The following MPRIP variants were observed in gnomAD, a reference collection of about 807,000 sequenced individuals.
MPRIP encodes the protein myosin phosphatase Rho-interacting protein.
MPRIP carries 59 observed loss-of-function variants against 234.9 expected under a neutral mutation model. That is an observed-to-expected ratio of 0.25 (90% confidence interval 0.20 to 0.31). The LOEUF (loss-of-function observed/expected upper bound fraction) is 0.31. Ranked by LOEUF, MPRIP falls within the 10% of genes least tolerant of loss-of-function variation. The pLI is 1.00. For synonymous variants in MPRIP, 1,144 were observed against 1,263.9 expected, an observed-to-expected ratio of 0.91 and a Z score of 2.01; for missense variants, 2,436 against 3,071.0, an observed-to-expected ratio of 0.79 and a Z score of 4.89.
At chr17:17,106,539 CAT>C (rs2090066291) in intron 3 of MPRIP, among the ~76,000 whole-genome samples, 1 of 152,034 alleles carries the variant, frequency 6.6e-6, no homozygotes, top group Non-Finnish European at 1.5e-5. Flanking sequence ...ACAGAATCCA[CAT>C]AGTGTTTCCT....
intron 12 of MPRIP, among the ~76,000 whole-genome samples, chr17:17,152,771 C>A (rs768635383): frequency 1.9e-4 from 29 of 152,140 alleles, no homozygotes; most frequent in Non-Finnish European, 3.5e-4. Flanking sequence ...ACATGCAGGT[C>A]CATTAGAAAG....
intron 12 of MPRIP, among the ~76,000 whole-genome samples, chr17:17,152,892 C>A (rs2045633012): frequency 6.6e-6 from 1 of 152,224 alleles, no homozygotes; most frequent in Admixed American, 6.5e-5. Context: ...ACTGAGAAGC[C>A]AGCAGAAGAG....
chr17:17,147,612 A>G (rs1290993583), intron 11 of MPRIP, among the ~76,000 whole-genome samples: 1 of 152,116 alleles, frequency 6.6e-6, no homozygotes, highest in Non-Finnish European at 1.5e-5. Context: ...CCTTGTGATC[A>G]TTTTCCTGGC....
intron 3 of MPRIP, among the ~76,000 whole-genome samples, chr17:17,116,520 G>A (rs1209656880): frequency 1.3e-5 from 2 of 152,254 alleles, no homozygotes; most frequent in Non-Finnish European, 2.9e-5. Flanking sequence ...GGCTGTTCCT[G>A]TTGAATCATT....
chr17:17,098,640 C>T (rs1439334231), intron 3 of MPRIP, among the ~76,000 whole-genome samples: 1 of 152,156 alleles, frequency 6.6e-6, no homozygotes, highest in Non-Finnish European at 1.5e-5. Flanking sequence ...CCCTTTCTCC[C>T]CTCTGCATAT....
At position 17,153,805 on chromosome 17, in the gene MPRIP, C is replaced by G. The variant is rs1263222104; in HGVS notation, c.1720-501C>G. On this transcript the variant is annotated intron_variant, in intron 12 of 23. Transcript: ENST00000651222. Reference sequence around the variant, plus strand: ...CTTTTCTCAGTGCCACCAACAAGACCCTGATACCCCTTGTTCTTAACCACT... The same window carrying G: ...CTTTTCTCAGTGCCACCAACAAGACGCTGATACCCCTTGTTCTTAACCACT... Among the ~76,000 whole-genome samples, 3 of 152,106 alleles carry G rather than the reference C, an allele frequency of 2.0e-5. No homozygotes were observed. In the South Asian group the frequency reaches 6.2e-4, roughly 31 times the overall value.
At chr17:17,072,054 G>A (rs183406926) in intron 1 of MPRIP, among the ~76,000 whole-genome samples, 164 of 152,334 alleles carry the variant, frequency 1.1e-3, no homozygotes, top group Non-Finnish European at 1.9e-3. Flanking sequence ...TTATAGGACC[G>A]TCTGGAAGAG....
At chr17:17,100,481 C>T (rs568774440) in intron 3 of MPRIP, among the ~76,000 whole-genome samples, 1 of 152,204 alleles carries the variant, frequency 6.6e-6, no homozygotes, top group South Asian at 2.1e-4. Context: ...CTCAGGGGTC[C>T]CCAGTGCCCA....
intron 3 of MPRIP, among the ~76,000 whole-genome samples, chr17:17,093,799 T>G (rs1346353233): frequency 6.6e-6 from 1 of 152,244 alleles, no homozygotes; most frequent in Non-Finnish European, 1.5e-5. Flanking sequence ...ACCTCTGTGT[T>G]TGTAAATAAC....
chr17:17,163,316 T>A (rs1252008917), intron 15 of MPRIP, among the ~76,000 whole-genome samples: 1 of 152,174 alleles, frequency 6.6e-6, no homozygotes, highest in Non-Finnish European at 1.5e-5. Context: ...CTCGGCTCAC[T>A]CTTGTTTGTG....
chr17:17,164,091 T>C lies in MPRIP; in HGVS notation c.2518-18T>C. 7.7e-7 allele frequency: 1 copy of C among 1,302,668 alleles called. No individual in the cohort carries two copies. Among genetic ancestry groups the C allele is most frequent in the Non-Finnish European group, 1.0e-6 (1 of 987,912 alleles). 80.7% of individuals were successfully genotyped at this position (1,302,668 alleles called of 1,614,324 possible). On this transcript the variant is annotated intron_variant, in intron 15 of 23. Transcript: ENST00000651222. ...AGGCCCGAGTGTTACTAACCAGTAT[T>C]TAATCGGTTTTTTTAAGACTGAAGT...
intron 23 of MPRIP, among the ~76,000 whole-genome samples, chr17:17,181,334 C>T (rs4985740): frequency 0.82 from 124,999 of 152,078 alleles, 51,565 homozygotes; most frequent in East Asian, 0.99. Context: ...TCTCGTTCAT[C>T]CCGGAATGAG....
intron 5 of MPRIP, among the ~76,000 whole-genome samples, chr17:17,135,650 C>A (rs938863779): frequency 9.9e-5 from 15 of 152,160 alleles, no homozygotes; most frequent in African/African-American, 3.6e-4. Context: ...TCTGAGGCCT[C>A]TTCTATGAAG....
intron 4 of MPRIP, among the ~76,000 whole-genome samples, chr17:17,128,608 G>A (rs927675336): frequency 5.3e-5 from 8 of 151,672 alleles, no homozygotes; most frequent in Non-Finnish European, 1.0e-4. Flanking sequence ...GCTCAGTGGC[G>A]TATCCAAAGC....
Position 17,133,982 on chromosome 17 carries a change from C to T in MPRIP, c.505-2237C>T, listed in dbSNP as rs181993065. 1.3e-3 allele frequency among the ~76,000 whole-genome samples: 198 copies of T among 152,292 alleles called. 1 individual carries two copies. The highest frequency in any genetic ancestry group is 4.5e-3 in the African/African-American group (186 of 41,566). On this transcript the variant is annotated intron_variant, in intron 5 of 23. Coordinates refer to ENST00000651222, the MANE Select transcript of MPRIP (RefSeq NM_001364716.4). ...GTGCAGGCCCCGGGTCTCCACTCCT[C>T]TGGTGGAGCTGAAGGAGGCCCGCTC...
chr17:17,093,655 A>G (rs1321307079), intron 3 of MPRIP, among the ~76,000 whole-genome samples: 2 of 152,242 alleles, frequency 1.3e-5, no homozygotes, highest in Non-Finnish European at 2.9e-5. Flanking sequence ...GTGTATGTAC[A>G]GTAGTTCAAA....
chr17:17,066,736 T>C (rs1439920054), intron 1 of MPRIP, among the ~76,000 whole-genome samples: 1 of 71,220 alleles, frequency 1.4e-5, no homozygotes. Context: ...TTTTTTTTTT[T>C]TTTTTTTTTT....
At chr17:17,149,445 A>G (rs1297133511) in intron 11 of MPRIP, among the ~76,000 whole-genome samples, 1 of 151,324 alleles carries the variant, frequency 6.6e-6, no homozygotes, top group Non-Finnish European at 1.5e-5. Flanking sequence ...GTGAGCTGAA[A>G]TCGTGTCACT....
chr17:17,078,196 G>A lies in MPRIP; in HGVS notation c.267+120G>A. On this transcript the variant is annotated intron_variant, in intron 3 of 23. Transcript: ENST00000651222. The surrounding 1 kb of genome is among the most constrained non-coding windows in gnomAD (Gnocchi z 4.3). The stretch of plus-strand genomic sequence containing the variant: ...TGTGCTCCTGCTTGTGTCTGTTTGG[G>A]AGTGTGGAATGTTTTGAAGAACTTG... 9.2e-7 allele frequency: 1 copy of A among 1,086,820 alleles called. No individual in the cohort carries two copies. The highest frequency in any genetic ancestry group is 1.4e-6 in the Non-Finnish European group (1 of 727,454). 67.3% of individuals were successfully genotyped at this position (1,086,820 alleles called of 1,614,324 possible). A position where few individuals can be genotyped will look rare whatever the true frequency, so the allele number is the denominator to read the frequency against.
Sources: gnomAD v4.1 joint callset for allele counts (sites outside exome capture counted in the v4.1 genomes callset) on GRCh38, gnomAD v4.1.1 for gene constraint, Gnocchi (gnomAD v3.1) non-coding constraint, MANE v1.5 for transcripts, NCBI Gene and HGNC (gene_info 2026-07-23, HGNC 2026-07-21) for gene names.